Variants in DPYSL5 observed in about 807,000 individuals in gnomAD.
DPYSL5 encodes dihydropyrimidinase-related protein 5.
In DPYSL5, 9 loss-of-function variants were observed where a neutral mutation model predicts 58.4. That is an observed-to-expected ratio of 0.15 (90% confidence interval 0.09 to 0.27). The LOEUF (loss-of-function observed/expected upper bound fraction) is 0.27, where lower values mean the gene tolerates loss of function less well. Among genes scored for constraint, DPYSL5 ranks in the 10% least tolerant of loss-of-function variants. The pLI is 1.00. For synonymous variants in DPYSL5, 293 were observed against 301.9 expected (o/e 0.97, Z 0.31); for missense variants, 499 against 770.6 (o/e 0.65, Z 4.17).
chr2:26,944,953 T>A lies in DPYSL5; in HGVS notation c.1609+129T>A, dbSNP rs1665429668. 2 of 908,720 alleles carry A rather than the reference T, an allele frequency of 2.2e-6. No individual in the cohort carries two copies. The highest frequency in any genetic ancestry group is 1.7e-5 in the African/African-American group (1 of 60,134). 56.3% of individuals were successfully genotyped at this position (908,720 alleles called of 1,614,324 possible). Reference sequence around the variant, plus strand: ...CCCGTTGCCTATTTCCAGGGATGAGTGCTGGTTTGGATATTAGACTCACAT... The same window carrying A: ...CCCGTTGCCTATTTCCAGGGATGAGAGCTGGTTTGGATATTAGACTCACAT... On this transcript the variant is annotated intron_variant, in intron 12 of 12. Coordinates refer to ENST00000288699, the MANE Select transcript of DPYSL5 (RefSeq NM_020134.4). The surrounding 1 kb of genome is among the most constrained non-coding windows in gnomAD (Gnocchi z 4.4).
At chr2:26,879,199 A>G (rs1663489844) in intron 1 of DPYSL5, among the ~76,000 whole-genome samples, 1 of 152,228 alleles carries the variant, frequency 6.6e-6, no homozygotes, top group African/African-American at 2.4e-5. Flanking sequence ...GTCATAGTCC[A>G]GTAAATGATA....
At position 26,927,523 on chromosome 2, in the gene DPYSL5, C is replaced by A; in HGVS notation, c.600+91C>A. On this transcript the variant is annotated intron_variant, in intron 4 of 12. Transcript: ENST00000288699. The surrounding 1 kb of genome is among the most constrained non-coding windows in gnomAD (Gnocchi z 4.3). ...TCCTGACCACCCGTCACTGATCCCA[C>A]AGGATTCAGACAAAATCAGTTGTTA... The A allele has an allele frequency of 1.4e-6, 2 of 1,475,262 alleles. No homozygotes were observed. Among genetic ancestry groups the A allele is most frequent in the Non-Finnish European group, 1.8e-6 (2 of 1,093,048 alleles). 91.4% of individuals were successfully genotyped at this position (1,475,262 alleles called of 1,614,324 possible). A position where few individuals can be genotyped will look rare whatever the true frequency, so the allele number is the denominator to read the frequency against.
intron 1 of DPYSL5, among the ~76,000 whole-genome samples, chr2:26,878,765 A>G (rs1472559535): frequency 6.6e-6 from 1 of 152,146 alleles, no homozygotes; most frequent in Admixed American, 6.6e-5. Flanking sequence ...GCCGCTGTCC[A>G]CTTTCCACCC....
At chr2:26,930,865 G>C (rs6547319) in intron 5 of DPYSL5, among the ~76,000 whole-genome samples, 1 of 151,462 alleles carries the variant, frequency 6.6e-6, no homozygotes, top group Non-Finnish European at 1.5e-5. Flanking sequence ...TCCCAGCTAC[G>C]CGGGAGGCTG....
intron 1 of DPYSL5, among the ~76,000 whole-genome samples, chr2:26,889,010 T>C (rs2148130190): frequency 6.6e-6 from 1 of 152,256 alleles, no homozygotes; most frequent in East Asian, 1.9e-4. Flanking sequence ...ATCTCTCTCC[T>C]GTCTCTTCTT....
intron 2 of DPYSL5, among the ~76,000 whole-genome samples, chr2:26,914,514 A>G (rs1186927311): frequency 6.6e-6 from 1 of 152,220 alleles, no homozygotes; most frequent in Non-Finnish European, 1.5e-5. Flanking sequence ...AAGGAGGGGC[A>G]GGGGCTTTTG....
intron 2 of DPYSL5, among the ~76,000 whole-genome samples, chr2:26,917,236 A>G (rs1265885924): frequency 6.6e-6 from 1 of 152,248 alleles, no homozygotes; most frequent in Non-Finnish European, 1.5e-5. Flanking sequence ...AAGTAAGGTC[A>G]GGAAGTGGGA....
At chr2:26,861,096 C>T (rs917694403) in intron 1 of DPYSL5, among the ~76,000 whole-genome samples, 24 of 152,152 alleles carry the variant, frequency 1.6e-4, no homozygotes, top group African/African-American at 4.1e-4. Flanking sequence ...TGTTCCCAAA[C>T]GGACCCCCAG....
At chr2:26,870,228 A>G (rs1239001704) in intron 1 of DPYSL5, among the ~76,000 whole-genome samples, 4 of 152,176 alleles carry the variant, frequency 2.6e-5, no homozygotes, top group Non-Finnish European at 5.9e-5. Flanking sequence ...TGTCTTTATT[A>G]CACTTGAGTC....
At chr2:26,890,804 G>A (rs1358826880) in intron 1 of DPYSL5, among the ~76,000 whole-genome samples, 1 of 152,134 alleles carries the variant, frequency 6.6e-6, no homozygotes, top group Non-Finnish European at 1.5e-5. Flanking sequence ...CTCTCCTCCC[G>A]GCTGGTCAAT....
rs1665089302 is a variant in DPYSL5, at chr2:26,933,470, C to T, written c.790+137C>T. On this transcript the variant is annotated intron_variant, in intron 7 of 12. Transcript: ENST00000288699. The surrounding 1 kb of genome is among the most constrained non-coding windows in gnomAD (Gnocchi z 4.2). Reference sequence around the variant, plus strand: ...GCCAGCCCTTCCCTTTCATCTGCCACCGTCTTCCTCAGAGCTGCCCTGTGC... The same window carrying T: ...GCCAGCCCTTCCCTTTCATCTGCCATCGTCTTCCTCAGAGCTGCCCTGTGC... The T allele has an allele frequency of 2.7e-6, 2 of 751,946 alleles. No individual in the cohort carries two copies. Among genetic ancestry groups the T allele is most frequent in the Admixed American group, 2.1e-5 (1 of 48,086 alleles). 46.6% of individuals were successfully genotyped at this position (751,946 alleles called of 1,614,324 possible). A position where few individuals can be genotyped will look rare whatever the true frequency, so the allele number is the denominator to read the frequency against.
At chr2:26,910,582 T>A (rs1037388920) in intron 2 of DPYSL5, among the ~76,000 whole-genome samples, 5 of 151,522 alleles carry the variant, frequency 3.3e-5, no homozygotes, top group Non-Finnish European at 7.4e-5. Context: ...AATCTGAATA[T>A]AAGAGTTGTT....
intron 1 of DPYSL5, among the ~76,000 whole-genome samples, chr2:26,880,343 A>G (rs1572684188): frequency 6.6e-6 from 1 of 152,318 alleles, no homozygotes; most frequent in Middle Eastern, 3.4e-3. Flanking sequence ...CTGGCTTGGC[A>G]TAATCACTGC....
chr2:26,931,676 G>A lies in DPYSL5; in HGVS notation c.706G>A (p.Ala236Thr). ...AGCCACTCATCGTGTTATCACCATT[G>A]CAAACAGGGTAAGTCCCCCGATGTC... ...AEATHRVITI[A>T]NRTHCPIYLV... Residue 236 changes from alanine (A) to threonine (T), a missense_variant, in exon 6 of 13, where the codon GCA becomes ACA. Coordinates refer to ENST00000288699, the MANE Select transcript of DPYSL5 (RefSeq NM_020134.4). The A allele has an allele frequency of 6.2e-7, 1 of 1,613,878 alleles. No individual in the cohort carries two copies. Among genetic ancestry groups the A allele is most frequent in the South Asian group, 1.1e-5 (1 of 91,070 alleles).
Position 26,944,846 on chromosome 2 carries a change from G to A in DPYSL5, c.1609+22G>A. 3.1e-6 allele frequency: 5 copies of A among 1,611,774 alleles called. No homozygotes were observed. Among genetic ancestry groups the A allele is most frequent in the Non-Finnish European group, 4.2e-6 (5 of 1,178,796 alleles). On this transcript the variant is annotated intron_variant, in intron 12 of 12. Coordinates refer to ENST00000288699, the MANE Select transcript of DPYSL5 (RefSeq NM_020134.4). This position sits in a 1 kb window ranked among gnomAD's most constrained non-coding sequence, Gnocchi z 4.4. Reference sequence around the variant, plus strand: ...TCTGGTAAGAGTCAGGGGGCCACGGGAGGAGGATGGGGGTCTGGGAGAAGT... The same window carrying A: ...TCTGGTAAGAGTCAGGGGGCCACGGAAGGAGGATGGGGGTCTGGGAGAAGT...
chr2:26,927,212 G>A lies in DPYSL5; in HGVS notation c.421-41G>A, dbSNP rs985129705. On this transcript the variant is annotated intron_variant, in intron 3 of 12. Coordinates refer to ENST00000288699, the MANE Select transcript of DPYSL5 (RefSeq NM_020134.4). The surrounding 1 kb of genome is among the most constrained non-coding windows in gnomAD (Gnocchi z 4.3). The stretch of plus-strand genomic sequence containing the variant: ...GTGCCTGCCAGTCGGCCTCTTGGGT[G>A]TCTGCCCTCACGCAGCATTGCCCTT... The A allele has an allele frequency of 2.1e-5, 33 of 1,581,816 alleles. No individual in the cohort carries two copies. The highest frequency in any genetic ancestry group is 2.8e-5 in the Non-Finnish European group (33 of 1,161,154).
rs1558349239 is a variant in DPYSL5, at chr2:26,928,722, T to TAC, written c.669+400_669+401insCA. Among the ~76,000 whole-genome samples the TAC allele has an allele frequency of 4.8e-3, 263 of 55,202 alleles. 13 individuals are homozygous for TAC. The highest frequency in any genetic ancestry group is 0.016 in the African/African-American group (245 of 15,590). The allele number at this position is 55,202 out of a possible 152,430, so 36.2% of individuals were successfully genotyped here. On this transcript the variant is annotated intron_variant, in intron 5 of 12. Coordinates refer to ENST00000288699, the MANE Select transcript of DPYSL5 (RefSeq NM_020134.4). ...ATATATATACACACACACACATACA[T>TAC]ATATATACGCACACACACGCACACA...
At chr2:26,915,955 G>A (rs1257588088) in intron 2 of DPYSL5, among the ~76,000 whole-genome samples, 2 of 152,038 alleles carry the variant, frequency 1.3e-5, no homozygotes, top group Non-Finnish European at 1.5e-5. Flanking sequence ...CCTATTTGGG[G>A]GAGAATTAAA....
chr2:26,896,638 A>C (rs772273815), intron 1 of DPYSL5, among the ~76,000 whole-genome samples: 1 of 152,170 alleles, frequency 6.6e-6, no homozygotes, highest in Non-Finnish European at 1.5e-5. Flanking sequence ...ATGATTAGTG[A>C]TGTTGAGCAC....
Sources: gnomAD v4.1 joint callset for allele counts (sites outside exome capture counted in the v4.1 genomes callset) on GRCh38, gnomAD v4.1.1 for gene constraint, Gnocchi (gnomAD v3.1) non-coding constraint, MANE v1.5 for transcripts, NCBI Gene and HGNC (gene_info 2026-07-23, HGNC 2026-07-21) for gene names.